DPF3: variants seen among roughly 807,000 people sequenced by gnomAD.
DPF3 encodes double PHD fingers 3.
A neutral mutation model predicts 56.8 loss-of-function variants in DPF3; 18 were observed. The observed-to-expected ratio is 0.32, with a 90% CI of 0.22 to 0.47. The LOEUF (loss-of-function observed/expected upper bound fraction) is 0.47, where lower values mean the gene tolerates loss of function less well. Among genes scored for constraint, DPF3 ranks in the 20% least tolerant of loss-of-function variants. DPF3 has a pLI of 1.00. For missense variants in DPF3, 403 were observed against 488.8 expected (o/e 0.82, Z 1.65); for synonymous variants, 188 against 180.2 (o/e 1.04, Z -0.35).
intron 1 of DPF3, among the ~76,000 whole-genome samples, chr14:72,815,417 G>T (rs1200089232): frequency 2.6e-5 from 4 of 152,244 alleles, no homozygotes; most frequent in Non-Finnish European, 5.9e-5. Context: ...ACTTTGGAAA[G>T]CAGTTTGGCA....
At position 72,612,404 on chromosome 14, in the gene DPF3, CTCACATA is replaced by C; in HGVS notation, c.*6886_*6892del. ...ATCATTCTATATTTTCATGCTCTTG[CTCACATA>C]TCAGGCAGTGTTTCTGTCCTTTTTT... is the stretch of plus-strand genomic sequence containing the variant. On this transcript the variant is annotated 3_prime_UTR_variant, in exon 11 of 11. Coordinates refer to ENST00000556509, the MANE Select transcript of DPF3 (RefSeq NM_001280542.3). 1 of 509,714 alleles carries C rather than the reference CTCACATA, an allele frequency of 2.0e-6. No homozygotes were observed. Among genetic ancestry groups the C allele is most frequent in the Non-Finnish European group, 3.9e-6 (1 of 254,652 alleles). 31.6% of individuals were successfully genotyped at this position (509,714 alleles called of 1,614,324 possible).
At chr14:72,672,424 G>A (rs1886729303) in intron 8 of DPF3, among the ~76,000 whole-genome samples, 2 of 152,046 alleles carry the variant, frequency 1.3e-5, no homozygotes. Flanking sequence ...AGAAGTATTC[G>A]CCCACCTGCC....
At chr14:72,633,155 T>C (rs1885266280) in intron 8 of DPF3, among the ~76,000 whole-genome samples, 1 of 152,086 alleles carries the variant, frequency 6.6e-6, no homozygotes, top group African/African-American at 2.4e-5. Flanking sequence ...TAGATTACAG[T>C]GAAACTTAGA....
At chr14:72,820,164 T>C (rs1883469794) in intron 1 of DPF3, among the ~76,000 whole-genome samples, 2 of 152,216 alleles carry the variant, frequency 1.3e-5, no homozygotes, top group Admixed American at 6.5e-5. Context: ...AATTATACCA[T>C]AGTTTTAAAA....
chr14:72,619,561 T>C (rs1195214748), intron 10 of DPF3, among the ~76,000 whole-genome samples, 194 bp from the exon 11 acceptor site: 1 of 152,204 alleles, frequency 6.6e-6, no homozygotes, highest in East Asian at 1.9e-4. Context: ...GCTCAACTCT[T>C]ATCAAGACCC....
chr14:72,845,557 C>T (rs899605265), intron 1 of DPF3, among the ~76,000 whole-genome samples: 2 of 152,198 alleles, frequency 1.3e-5, no homozygotes, highest in Non-Finnish European at 1.5e-5. Flanking sequence ...CCTTCTCCCA[C>T]GTCTGTCCCA....
chr14:72,654,173 A>C (rs370195806), intron 8 of DPF3, among the ~76,000 whole-genome samples: 7 of 152,246 alleles, frequency 4.6e-5, no homozygotes, highest in East Asian at 3.9e-4. Context: ...GACGCTCGTA[A>C]CATACCTGTG....
intron 3 of DPF3, among the ~76,000 whole-genome samples, chr14:72,736,142 T>C (rs1889885476): frequency 6.6e-6 from 1 of 152,216 alleles, no homozygotes; most frequent in African/African-American, 2.4e-5. Flanking sequence ...AGGAAGAAAG[T>C]CAGGTGTCAT....
chr14:72,747,699 C>T (rs541696503), intron 3 of DPF3, among the ~76,000 whole-genome samples: 1 of 152,090 alleles, frequency 6.6e-6, no homozygotes, highest in African/African-American at 2.4e-5. Flanking sequence ...CTTGTAGCTC[C>T]CATAATTCCC....
At chr14:72,751,288 T>C (rs1890562800) in intron 3 of DPF3, among the ~76,000 whole-genome samples, 2 of 152,244 alleles carry the variant, frequency 1.3e-5, no homozygotes, top group Non-Finnish European at 1.5e-5. Flanking sequence ...ATTTAAAAAT[T>C]ACATAAGGCT....
At chr14:72,650,815 G>T in intron 8 of DPF3, among the ~76,000 whole-genome samples, 1 of 152,158 alleles carries the variant, frequency 6.6e-6, no homozygotes. Flanking sequence ...GGATCAGCGT[G>T]TGTGGGTGGG....
At chr14:72,864,442 G>T (rs1426378672) in intron 1 of DPF3, among the ~76,000 whole-genome samples, 1 of 152,182 alleles carries the variant, frequency 6.6e-6, no homozygotes, top group African/African-American at 2.4e-5. Flanking sequence ...CAGGGACTTT[G>T]TTTTATCGAC....
chr14:72,702,418 T>C (rs1358488764), intron 6 of DPF3, among the ~76,000 whole-genome samples: 1 of 152,076 alleles, frequency 6.6e-6, no homozygotes, highest in Non-Finnish European at 1.5e-5. Context: ...GAGCTGGGGA[T>C]AGGGAGGGCT....
At chr14:72,684,360 CA>C (rs1567199609) in intron 7 of DPF3, among the ~76,000 whole-genome samples, 1 of 152,018 alleles carries the variant, frequency 6.6e-6, no homozygotes, top group Admixed American at 6.5e-5. Context: ...GCTGGGAGAC[CA>C]ATCAAAAAAG....
intron 6 of DPF3, among the ~76,000 whole-genome samples, chr14:72,706,642 AC>A (rs1462253886): frequency 3.9e-5 from 6 of 151,978 alleles, no homozygotes; most frequent in Non-Finnish European, 8.8e-5. Context: ...ATCCTGCTTC[AC>A]CCAGCTCTCT....
chr14:72,750,123 A>C (rs1890504861), intron 3 of DPF3, among the ~76,000 whole-genome samples: 1 of 152,178 alleles, frequency 6.6e-6, no homozygotes, highest in Non-Finnish European at 1.5e-5. Flanking sequence ...CATAAAATAA[A>C]GTTTTTAAGA....
rs1883778671 is a variant in DPF3 at position 72,612,365 on chromosome 14, T to C, written c.*6932A>G. On this transcript the variant is annotated 3_prime_UTR_variant, in exon 11 of 11. Coordinates refer to ENST00000556509, the MANE Select transcript of DPF3 (RefSeq NM_001280542.3). ...CTCCAGCCACCTGCTCCCCACCTCC[T>C]CTGCTCTGAGATAATCATTCTATAT... 1 of 461,194 alleles carries C rather than the reference T, an allele frequency of 2.2e-6. No individual in the cohort carries two copies. Among genetic ancestry groups the C allele is most frequent in the African/African-American group, 2.0e-5 (1 of 50,202 alleles). The allele number at this position is 461,194 out of a possible 1,614,324, so 28.6% of individuals were successfully genotyped here.
Position 72,690,558 on chromosome 14 carries a change from ACG to A in DPF3, c.742+2516_742+2517del, listed in dbSNP as rs528731771. Among the ~76,000 whole-genome samples, 504 of 151,878 alleles carry A rather than the reference ACG, an allele frequency of 3.3e-3. 5 individuals carry two copies. The highest frequency in any genetic ancestry group is 0.012 in the African/African-American group (482 of 41,440). On this transcript the variant is annotated intron_variant, in intron 7 of 10. Transcript: ENST00000556509. ...GCACAAACAACACGCACACACATGC[ACG>A]CACACACACAACGTACATACACAAC...
At chr14:72,663,366 G>A (rs928838440) in intron 8 of DPF3, among the ~76,000 whole-genome samples, 2 of 152,036 alleles carry the variant, frequency 1.3e-5, no homozygotes, top group Admixed American at 6.6e-5. Flanking sequence ...AGCCCAAAAG[G>A]ACACTGCTTC....
Sources: gnomAD v4.1 joint callset for allele counts (sites outside exome capture counted in the v4.1 genomes callset) on GRCh38, gnomAD v4.1.1 for gene constraint, MANE v1.5 for transcripts, NCBI Gene and HGNC (gene_info 2026-07-23, HGNC 2026-07-21) for gene names.